Variants in FRMD4B observed in about 807,000 individuals in gnomAD.
FRMD4B encodes FERM domain-containing protein 4B.
In FRMD4B, 74 loss-of-function variants were observed where a neutral mutation model predicts 141.5. The ratio of observed to expected loss-of-function variants is 0.52; its 90% CI spans 0.43 to 0.63. FRMD4B has a LOEUF of 0.63. Ranked by LOEUF, FRMD4B falls within the 30% of genes least tolerant of loss-of-function variation. FRMD4B has a pLI of 0.00. For synonymous variants in FRMD4B, 506 were observed against 467.9 expected (o/e 1.08, Z -1.05); for missense variants, 1,366 against 1,253.4 (o/e 1.09, Z -1.36).
chr3:69,208,533 C>T (rs925365563), intron 11 of FRMD4B, among the ~76,000 whole-genome samples: 1 of 146,256 alleles, frequency 6.8e-6, no homozygotes, highest in Non-Finnish European at 1.5e-5. Context: ...ATCTCCTTCC[C>T]ATCGGCATAC....
chr3:69,303,328 TAAAA>T, intron 3 of FRMD4B, among the ~76,000 whole-genome samples: 1 of 133,988 alleles, frequency 7.5e-6, no homozygotes, highest in Middle Eastern at 3.8e-3. Flanking sequence ...GACCCCATCT[TAAAA>T]AAAAAAAAAA....
At chr3:69,531,502 T>G (rs1464268205) in intron 1 of FRMD4B, among the ~76,000 whole-genome samples, 6 of 152,246 alleles carry the variant, frequency 3.9e-5, no homozygotes, top group Non-Finnish European at 8.8e-5. Context: ...AAAAATCACT[T>G]AAGTGAAACA....
At chr3:69,382,110 G>A (rs6549214) in intron 1 of FRMD4B, among the ~76,000 whole-genome samples, 68,323 of 152,088 alleles carry the variant, frequency 0.45, 15,809 homozygotes, top group Middle Eastern at 0.52. Flanking sequence ...TGTGATCATG[G>A]CTTACTGCAA....
At chr3:69,214,017 A>G (rs34511838) in intron 11 of FRMD4B, among the ~76,000 whole-genome samples, 13,145 of 152,084 alleles carry the variant, frequency 0.086, 578 homozygotes, top group Middle Eastern at 0.11. Context: ...ACGCCCTACT[A>G]GCCTGATCCA....
intron 1 of FRMD4B, among the ~76,000 whole-genome samples, chr3:69,510,123 A>G (rs1347531264): frequency 6.6e-6 from 1 of 152,072 alleles, no homozygotes; most frequent in Non-Finnish European, 1.5e-5. Flanking sequence ...ATATTCGTCC[A>G]GAACAATTTT....
chr3:69,354,386 G>A (rs538160481), intron 1 of FRMD4B, among the ~76,000 whole-genome samples: 1 of 152,094 alleles, frequency 6.6e-6, no homozygotes, highest in South Asian at 2.1e-4. Flanking sequence ...TTGTGACAGG[G>A]TATCATGCTT....
Position 69,476,567 on chromosome 3 carries a change from C to G in FRMD4B, c.-128-43806G>C, listed in dbSNP as rs1260350262. On this transcript the variant is annotated intron_variant, in intron 1 of 5. Coordinates refer to the FRMD4B transcript ENST00000459638. ...TGTTCTGTTCCATTGATCTATATCTCTGTTTTGGTACCAGTACCCTGCTGT... is the reference window on the plus strand; with the variant it reads ...TGTTCTGTTCCATTGATCTATATCTGTGTTTTGGTACCAGTACCCTGCTGT... 5.9e-5 allele frequency among the ~76,000 whole-genome samples: 9 copies of G among 152,244 alleles called. No homozygotes were observed. The East Asian group carries it at 1.7e-3, about 29-fold the overall frequency.
In FRMD4B at chr3:69,182,658, C is replaced by T. The variant is rs201267778; in HGVS notation, c.1979G>A (p.Gly660Glu). 1.2e-6 allele frequency: 2 copies of T among 1,613,792 alleles called. No individual in the cohort carries two copies. Among genetic ancestry groups the T allele is most frequent in the East Asian group, 2.2e-5 (1 of 44,882 alleles). ...AACTGGCGTGGTGGGCATGCTTCGT[C>T]CTCCCTGGGGCCGCCTCTCCAGAGT... ...YKTLERRPQG[G>E]RSMPTTPVLT... is the part of the protein sequence containing the mutation. The change falls in exon 20 of 23, where the codon GGA becomes GAA. Residue 660 changes from glycine to glutamate, a missense_variant. Transcript: ENST00000398540.
At chr3:69,198,815 A>G in intron 11 of FRMD4B, 41 bp from the exon 12 acceptor site, 1 of 914,032 alleles carries the variant, frequency 1.1e-6, no homozygotes, top group South Asian at 1.4e-5. Flanking sequence ...ATTTATGCTT[A>G]TTTTTACTAA....
intron 1 of FRMD4B, among the ~76,000 whole-genome samples, chr3:69,434,656 G>A (rs992956941): frequency 6.6e-6 from 1 of 152,068 alleles, no homozygotes; most frequent in Admixed American, 6.5e-5. Context: ...TAAGATCTAC[G>A]AACACACCAA....
At chr3:69,214,849 G>A (rs1237808452) in intron 11 of FRMD4B, among the ~76,000 whole-genome samples, 1 of 150,880 alleles carries the variant, frequency 6.6e-6, no homozygotes, top group Admixed American at 6.6e-5. Flanking sequence ...GGAACACAGC[G>A]AGACTCCATC....
intron 1 of FRMD4B, among the ~76,000 whole-genome samples, chr3:69,321,633 G>A (rs956633191): frequency 2.6e-5 from 4 of 152,170 alleles, no homozygotes; most frequent in African/African-American, 7.2e-5. Flanking sequence ...CGGTGAGACC[G>A]TGGTATATAA....
At chr3:69,207,762 C>T (rs1039195788) in intron 11 of FRMD4B, among the ~76,000 whole-genome samples, 12 of 151,080 alleles carry the variant, frequency 7.9e-5, no homozygotes, top group African/African-American at 2.4e-4. Flanking sequence ...GAGCCAAGAT[C>T]GGGCCAATGC....
intron 1 of FRMD4B, among the ~76,000 whole-genome samples, chr3:69,472,988 C>A (rs1705922826): frequency 9.3e-6 from 1 of 107,572 alleles, no homozygotes; most frequent in South Asian, 3.2e-4. Context: ...TTGACTAATT[C>A]CCTCTGGGCA....
intron 5 of FRMD4B, among the ~76,000 whole-genome samples, chr3:69,270,710 C>T (rs926907208): frequency 3.9e-5 from 6 of 152,020 alleles, no homozygotes; most frequent in South Asian, 2.1e-4. Flanking sequence ...GGACTACAGG[C>T]GCCCGCCATC....
intron 2 of FRMD4B, among the ~76,000 whole-genome samples, chr3:69,405,432 T>C (rs17005826): frequency 0.036 from 5,483 of 152,256 alleles, 336 homozygotes; most frequent in African/African-American, 0.12. Context: ...GTTTGTGTAG[T>C]GACTGGCTTA....
chr3:69,535,901 G>T, intron 1 of FRMD4B: 1 of 420,020 alleles, frequency 2.4e-6, no homozygotes, highest in South Asian at 1.8e-5. Flanking sequence ...TGACCTTGCT[G>T]ACAGTGGGTT....
intron 5 of FRMD4B, among the ~76,000 whole-genome samples, chr3:69,282,504 T>C (rs1195987271): frequency 6.6e-6 from 1 of 152,222 alleles, no homozygotes; most frequent in South Asian, 2.1e-4. Flanking sequence ...TCTGTGGCCA[T>C]GGTTCAGCTG....
intron 1 of FRMD4B, among the ~76,000 whole-genome samples, chr3:69,349,024 A>T (rs1159380999): frequency 6.6e-6 from 1 of 152,242 alleles, no homozygotes; most frequent in Non-Finnish European, 1.5e-5. Context: ...GAAAAGAGGA[A>T]GTCAAATTGT....
Sources: gnomAD v4.1 joint callset for allele counts (sites outside exome capture counted in the v4.1 genomes callset) on GRCh38, gnomAD v4.1.1 for gene constraint, MANE v1.5 for transcripts, NCBI Gene and HGNC (gene_info 2026-07-23, HGNC 2026-07-21) for gene names.